The following SHISA5 variants were observed in gnomAD, a reference collection of about 807,000 sequenced individuals.
The protein encoded by SHISA5 is shisa family member 5.
A neutral mutation model predicts 27.5 loss-of-function variants in SHISA5; 21 were observed. The observed-to-expected ratio is 0.76, with a 90% CI of 0.54 to 1.10. The LOEUF is 1.10. Ranked by LOEUF, SHISA5 falls within the 50% of genes least tolerant of loss-of-function variation. The probability of loss-of-function intolerance (pLI) is 0.00; values close to 1 mark genes in which losing one functional copy is unlikely to be tolerated. For synonymous variants in SHISA5, 137 were observed against 142.2 expected (o/e 0.96, Z 0.26); for missense variants, 314 against 336.3 (o/e 0.93, Z 0.52).
rs774819624 is a variant in SHISA5 at position 48,504,120 on chromosome 3, G to T, written c.-26C>A. The T allele has an allele frequency of 1.2e-5, 14 of 1,205,168 alleles. No individual in the cohort carries two copies. In the African/African-American group the frequency reaches 2.2e-4, roughly 19 times the overall value. The allele number at this position is 1,205,168 out of a possible 1,614,324, so 74.7% of individuals were successfully genotyped here. A position where few individuals can be genotyped will look rare whatever the true frequency, so the allele number is the denominator to read the frequency against. ...GGCTGGGCGGGCGGACGGGCGGACG[G>T]ACGCGAGCGCCGGGCGCAGTGCCGC... On this transcript the variant is annotated 5_prime_UTR_variant, in exon 1 of 6. Coordinates refer to ENST00000296444, the MANE Select transcript of SHISA5 (RefSeq NM_016479.6). The surrounding 1 kb of genome is among the most constrained non-coding windows in gnomAD (Gnocchi z 4.0).
At chr3:48,491,243 C>T (rs1575326586) in intron 2 of SHISA5, among the ~76,000 whole-genome samples, 1 of 151,876 alleles carries the variant, frequency 6.6e-6, no homozygotes, top group African/African-American at 2.4e-5. Context: ...CTCAGCCTCC[C>T]GAGTAGCTGG....
chr3:48,473,395 G>T lies in SHISA5; in HGVS notation c.315-3552C>A. 1 of 1,320,638 alleles carries T rather than the reference G, an allele frequency of 7.6e-7. No individual in the cohort carries two copies. The highest frequency in any genetic ancestry group is 9.9e-7 in the Non-Finnish European group (1 of 1,009,884). 81.8% of individuals were successfully genotyped at this position (1,320,638 alleles called of 1,614,324 possible). On this transcript the variant is annotated intron_variant, in intron 3 of 5. Coordinates refer to ENST00000296444, the MANE Select transcript of SHISA5 (RefSeq NM_016479.6). This position sits in a 1 kb window ranked among gnomAD's most constrained non-coding sequence, Gnocchi z 4.3. ...CTCAGTGGGCCCCAACCACACTCTA[G>T]CTCAGCAGCACCCCCACCCCCACTT...
At chr3:48,486,552 A>G (rs1238750207) in intron 2 of SHISA5, among the ~76,000 whole-genome samples, 1 of 122,856 alleles carries the variant, frequency 8.1e-6, no homozygotes, top group African/African-American at 3.1e-5. Context: ...TATATTATAT[A>G]TTATATAGAT....
chr3:48,486,521 T>C (rs1012562361), intron 2 of SHISA5, among the ~76,000 whole-genome samples: 1 of 119,126 alleles, frequency 8.4e-6, no homozygotes, highest in Non-Finnish European at 1.6e-5. Context: ...ATATACAATA[T>C]ATATAATATA....
rs1438263318 is a variant in SHISA5, at chr3:48,492,421, G to C, written c.233+8716C>G. Among the ~76,000 whole-genome samples, 6 of 148,404 alleles carry C rather than the reference G, an allele frequency of 4.0e-5. 2 individuals carry two copies. Among genetic ancestry groups the C allele is most frequent in the African/African-American group, 1.6e-4 (6 of 38,002 alleles). On this transcript the variant is annotated intron_variant, in intron 2 of 5. Transcript: ENST00000296444. ...GGAGGCGGAGCTTGCAGTGAGCCGA[G>C]ATCGGGCCACTGCAGTCCCGCCTGG...
chr3:48,478,579 G>C (rs938839984), intron 3 of SHISA5, among the ~76,000 whole-genome samples: 1 of 152,086 alleles, frequency 6.6e-6, no homozygotes, highest in Non-Finnish European at 1.5e-5. Context: ...CAATAACACA[G>C]GCCGGAGCCC....
chr3:48,468,326 TGGGAAGGGCA>T lies in SHISA5; in HGVS notation c.*771_*780del. ...GGTGGACAGGAGCCCTGCTCACCTGTGGGAAGGGCAGGGCCAGCAAGGGCAGCAGAGCTCC... is the reference window on the plus strand; with the variant it reads ...GGTGGACAGGAGCCCTGCTCACCTGTGGGCCAGCAAGGGCAGCAGAGCTCC... On this transcript the variant is annotated 3_prime_UTR_variant, in exon 6 of 6. Transcript: ENST00000296444. 1 of 1,042,186 alleles carries T rather than the reference TGGGAAGGGCA, an allele frequency of 9.6e-7. No homozygotes were observed. The highest frequency in any genetic ancestry group is 8.6e-5 in the East Asian group (1 of 11,640). 64.6% of individuals were successfully genotyped at this position (1,042,186 alleles called of 1,614,324 possible).
chr3:48,501,274 C>T lies in SHISA5; in HGVS notation c.96G>A (p.Met32Ile), dbSNP rs182898450. The T allele has an allele frequency of 9.9e-6, 16 of 1,613,896 alleles. No individual in the cohort carries two copies. In the African/African-American group the frequency reaches 1.7e-4, roughly 18 times the overall value. ...GGAAGAGGCTGAGTCCACGGGAAGC[C>T]ATACACACCTCACCACGTGCTGGAG... Reference protein sequence around the residue: ...PPPGARGEVCMASRGLSLFPE... With the variant: ...PPPGARGEVCIASRGLSLFPE... Residue 32 changes from methionine to isoleucine, a missense_variant, in exon 2 of 6, where the codon ATG becomes ATA. Coordinates refer to ENST00000296444, the MANE Select transcript of SHISA5 (RefSeq NM_016479.6).
intron 2 of SHISA5, among the ~76,000 whole-genome samples, chr3:48,496,596 AG>A (rs1226682417): frequency 6.7e-6 from 1 of 149,538 alleles, no homozygotes; most frequent in East Asian, 2.0e-4. Context: ...TAGCTGGGCG[AG>A]GTGGCAGGCC....
Position 48,473,321 on chromosome 3 carries a change from G to A in SHISA5, c.315-3478C>T. On this transcript the variant is annotated intron_variant, in intron 3 of 5. Coordinates refer to ENST00000296444, the MANE Select transcript of SHISA5 (RefSeq NM_016479.6). This position sits in a 1 kb window ranked among gnomAD's most constrained non-coding sequence, Gnocchi z 4.3. ...TCCCTGAGCCAAGCCTACAGGGCCT[G>A]ACCTCAGAATGCAGCCTGGCCACTA... is the stretch of plus-strand genomic sequence containing the variant. 7.2e-7 allele frequency: 1 copy of A among 1,396,928 alleles called. No homozygotes were observed. The highest frequency in any genetic ancestry group is 1.3e-5 in the South Asian group (1 of 77,830). The allele number at this position is 1,396,928 out of a possible 1,614,324, so 86.5% of individuals were successfully genotyped here.
chr3:48,474,691 T>C (rs2040761510), intron 3 of SHISA5, among the ~76,000 whole-genome samples: 1 of 152,198 alleles, frequency 6.6e-6, no homozygotes, highest in African/African-American at 2.4e-5. Flanking sequence ...CAAAGCCATG[T>C]GTGGTCTGGA....
intron 2 of SHISA5, among the ~76,000 whole-genome samples, chr3:48,498,165 A>G (rs533610811): frequency 2.6e-5 from 4 of 152,336 alleles, no homozygotes; most frequent in Non-Finnish European, 5.9e-5. Flanking sequence ...ACATCCATCC[A>G]TAATTAAAAC....
At chr3:48,492,846 T>C (rs1295884925) in intron 2 of SHISA5, among the ~76,000 whole-genome samples, 1 of 147,206 alleles carries the variant, frequency 6.8e-6, no homozygotes, top group Non-Finnish European at 1.5e-5. Context: ...GATGGAGTTG[T>C]TTTCAGCCTC....
At chr3:48,485,576 T>C (rs928773854) in intron 2 of SHISA5, among the ~76,000 whole-genome samples, 2 of 144,666 alleles carry the variant, frequency 1.4e-5, no homozygotes, top group Non-Finnish European at 3.0e-5. Flanking sequence ...ATATATATTC[T>C]ATATTTAATA....
intron 2 of SHISA5, among the ~76,000 whole-genome samples, chr3:48,489,796 TAA>T (rs1160530717): frequency 7.0e-6 from 1 of 143,538 alleles, no homozygotes; most frequent in Admixed American, 7.0e-5. Context: ...CCCAGCTAAC[TAA>T]AAAAAAAAAA....
chr3:48,501,000 A>AT (rs1179344427), intron 2 of SHISA5, 137 bp downstream of exon 2: 1 of 1,008,976 alleles, frequency 9.9e-7, no homozygotes, highest in Non-Finnish European at 1.4e-6. Context: ...GGGATCCCTA[A>AT]ACCCTCTGCT....
chr3:48,502,238 A>G (rs1284432432), intron 1 of SHISA5: 1 of 365,332 alleles, frequency 2.7e-6, no homozygotes, highest in Non-Finnish European at 5.6e-6. Flanking sequence ...GCTGGGCACC[A>G]CAACTGCAGG....
intron 2 of SHISA5, among the ~76,000 whole-genome samples, chr3:48,489,049 A>G (rs1465861710): frequency 6.6e-6 from 1 of 152,140 alleles, no homozygotes; most frequent in Non-Finnish European, 1.5e-5. Context: ...GATGAAGTGA[A>G]GGAAGGCTGT....
Position 48,468,704 on chromosome 3 carries a change from G to C in SHISA5, c.*403C>G, listed in dbSNP as rs1403408854. 7.9e-7 allele frequency: 1 copy of C among 1,273,492 alleles called. No homozygotes were observed. Among genetic ancestry groups the C allele is most frequent in the Non-Finnish European group, 1.0e-6 (1 of 986,048 alleles). The allele number at this position is 1,273,492 out of a possible 1,614,324, so 78.9% of individuals were successfully genotyped here. A position where few individuals can be genotyped will look rare whatever the true frequency, so the allele number is the denominator to read the frequency against. On this transcript the variant is annotated 3_prime_UTR_variant, in exon 6 of 6. Coordinates refer to ENST00000296444, the MANE Select transcript of SHISA5 (RefSeq NM_016479.6). ...AGGACACATCTGCATCACACAGAAA[G>C]CTGCGCCACCCTGGTGTGACAGGCC...
Sources: allele counts gnomAD v4.1 joint callset (sites outside exome capture counted in the v4.1 genomes callset), GRCh38; gene constraint gnomAD v4.1.1; non-coding constraint Gnocchi (gnomAD v3.1); transcripts MANE v1.5; gene names NCBI Gene and HGNC (gene_info 2026-07-23, HGNC 2026-07-21).